The following GRIN2B variants were observed in gnomAD, a reference collection of about 807,000 sequenced individuals.
GRIN2B encodes the protein glutamate ionotropic receptor NMDA type subunit 2B.
GRIN2B carries 5 observed loss-of-function variants against 114.5 expected under a neutral mutation model. The observed-to-expected ratio is 0.04, with a 90% CI of 0.02 to 0.09. The LOEUF (loss-of-function observed/expected upper bound fraction) is 0.09, where lower values mean the gene tolerates loss of function less well. Among genes scored for constraint, GRIN2B ranks in the 10% least tolerant of loss-of-function variants. GRIN2B has a pLI of 1.00. For missense variants in GRIN2B, 1,108 were observed against 1,943.5 expected (o/e 0.57, Z 8.08); for synonymous variants, 787 against 745.1 (o/e 1.06, Z -0.92).
intron 10 of GRIN2B, among the ~76,000 whole-genome samples, chr12:13,594,816 G>A (rs1280524447): frequency 6.6e-6 from 1 of 152,080 alleles, no homozygotes; most frequent in African/African-American, 2.4e-5. Context: ...TGATTTCAGG[G>A]CATTTCCAAC....
Position 13,550,615 on chromosome 12 carries a change from G to GACAGTTAGC in GRIN2B, c.*12159_*12167dup, listed in dbSNP as rs1591597670. On this transcript the variant is annotated 3_prime_UTR_variant, in exon 14 of 14. Coordinates refer to ENST00000609686, the MANE Select transcript of GRIN2B (RefSeq NM_000834.5). Reference sequence around the variant, plus strand: ...TTATGGATTCCATCAGGTCAAATAGGACAGTTAGCAGGATAACTATGTTGC... The same window carrying GACAGTTAGC: ...TTATGGATTCCATCAGGTCAAATAGGACAGTTAGCACAGTTAGCAGGATAACTATGTTGC... 6.6e-6 allele frequency: 1 copy of GACAGTTAGC among 152,066 alleles called. No individual in the cohort carries two copies. The highest frequency in any genetic ancestry group is 2.4e-5 in the African/African-American group (1 of 41,382). 9.4% of individuals were successfully genotyped at this position (152,066 alleles called of 1,614,324 possible). A position where few individuals can be genotyped will look rare whatever the true frequency, so the allele number is the denominator to read the frequency against.
rs1201312016 is a variant in GRIN2B at position 13,608,777 on chromosome 12, C to T, written c.1836G>A (p.Leu612=). 4.3e-6 allele frequency: 7 copies of T among 1,613,960 alleles called. No individual in the cohort carries two copies. In the Admixed American group the frequency reaches 1.0e-4, roughly 23 times the overall value. Residue 612 remains leucine, a synonymous_variant, in exon 10 of 14, where the codon CTG becomes CTA. Transcript: ENST00000609686. ...IGKAIWLLWG[L]VFNNSVPVQN... ...GCACAGGTACGGAGTTGTTAAACAC[C>T]AGACCCCAGAGCAACCAAATAGCTT...
At chr12:13,705,779 A>C (rs571047719) in intron 4 of GRIN2B, among the ~76,000 whole-genome samples, 5 of 152,328 alleles carry the variant, frequency 3.3e-5, no homozygotes, top group African/African-American at 1.2e-4. Context: ...ACTTTAATCA[A>C]GATGGCTAAA....
intron 10 of GRIN2B, among the ~76,000 whole-genome samples, chr12:13,576,369 T>C (rs1256887890): frequency 6.6e-6 from 1 of 151,908 alleles, no homozygotes; most frequent in African/African-American, 2.4e-5. Flanking sequence ...CGAGAAAAAT[T>C]TAGCGCTGTC....
At chr12:13,724,325 T>C (rs1314769196) in intron 4 of GRIN2B, among the ~76,000 whole-genome samples, 1 of 152,064 alleles carries the variant, frequency 6.6e-6, no homozygotes, top group African/African-American at 2.4e-5. Context: ...GCCCGGCCAA[T>C]TACAGGTTTG....
intron 3 of GRIN2B, among the ~76,000 whole-genome samples, chr12:13,809,844 C>T (rs551876657): frequency 1.3e-5 from 2 of 152,340 alleles, no homozygotes; most frequent in South Asian, 2.1e-4. Context: ...CTTTTGTAAA[C>T]AGAAGTTCTC....
intron 5 of GRIN2B, among the ~76,000 whole-genome samples, chr12:13,637,125 T>C (rs1037983613): frequency 6.6e-6 from 1 of 152,104 alleles, no homozygotes; most frequent in Non-Finnish European, 1.5e-5. Flanking sequence ...TTGAGAGACA[T>C]TGACATTTAG....
rs2136470570 is a variant in GRIN2B, at chr12:13,608,816, A to T, written c.1797T>A (p.Ser599=). The T allele has an allele frequency of 6.2e-7, 1 of 1,613,818 alleles. No individual in the cohort carries two copies. Among genetic ancestry groups the T allele is most frequent in the South Asian group, 1.1e-5 (1 of 91,066 alleles). Residue 599 remains serine (S), a synonymous_variant, in exon 10 of 14, where the codon TCT becomes TCA. Transcript: ENST00000609686. ...ACCAAATAGCTTTGCCGATGGTGAA[A>T]GAGGGTCCACCAGGCTCTGGCATGA... ...LADGREPGGP[S]FTIGKAIWLL...
At chr12:13,939,926 AGGGTTGAGTG>A (rs1442029089) in intron 2 of GRIN2B, among the ~76,000 whole-genome samples, 4 of 152,160 alleles carry the variant, frequency 2.6e-5, no homozygotes, top group Non-Finnish European at 5.9e-5. Flanking sequence ...AAAACTAGAA[AGGGTTGAGTG>A]TGCCTGTGCA....
At chr12:13,604,582 A>C (rs958519537) in intron 10 of GRIN2B, among the ~76,000 whole-genome samples, 2 of 152,220 alleles carry the variant, frequency 1.3e-5, no homozygotes, top group African/African-American at 2.4e-5. Flanking sequence ...ATCACATTGG[A>C]AAATAATCTT....
intron 2 of GRIN2B, among the ~76,000 whole-genome samples, chr12:13,873,927 G>C (rs1376123216): frequency 6.6e-6 from 1 of 152,164 alleles, no homozygotes; most frequent in African/African-American, 2.4e-5. Context: ...GCTGTTTCTT[G>C]GAAAATATTT....
At chr12:13,815,066 T>C (rs1175749277) in intron 3 of GRIN2B, among the ~76,000 whole-genome samples, 1 of 152,234 alleles carries the variant, frequency 6.6e-6, no homozygotes, top group East Asian at 1.9e-4. Flanking sequence ...AACAGTACAA[T>C]ATCAGCAATC....
intron 2 of GRIN2B, among the ~76,000 whole-genome samples, chr12:13,964,443 T>C (rs1409461248): frequency 6.6e-6 from 1 of 152,158 alleles, no homozygotes; most frequent in Non-Finnish European, 1.5e-5. Context: ...TGCGGTGGGT[T>C]AAACTTGAAA....
At chr12:13,865,632 CAAAG>C (rs1175050790) in intron 3 of GRIN2B, among the ~76,000 whole-genome samples, 162 bp downstream of exon 3, 1 of 151,474 alleles carries the variant, frequency 6.6e-6, no homozygotes, top group Non-Finnish European at 1.5e-5. Context: ...AACTCTGTCT[CAAAG>C]AGAGAGAGAG....
chr12:13,777,639 GC>G lies in GRIN2B; in HGVS notation c.412-23725del, dbSNP rs1197885902. ...AACGCTTGGTGCCTTTCCATCACTG[GC>G]TCCTGGAGAACATGGGTGATTTCTC... On this transcript the variant is annotated intron_variant, in intron 3 of 13. Transcript: ENST00000609686. Among the ~76,000 whole-genome samples the G allele has an allele frequency of 2.0e-5, 3 of 152,168 alleles. No homozygotes were observed. The East Asian group carries it at 5.8e-4, about 29-fold the overall frequency.
At chr12:13,607,432 A>T (rs370555257) in intron 10 of GRIN2B, among the ~76,000 whole-genome samples, 7 of 80,270 alleles carry the variant, frequency 8.7e-5, no homozygotes, top group African/African-American at 2.7e-4. Flanking sequence ...TATTATATAT[A>T]ATATATATTA....
At chr12:13,904,708 C>T (rs1866510352) in intron 2 of GRIN2B, among the ~76,000 whole-genome samples, 2 of 152,036 alleles carry the variant, frequency 1.3e-5, no homozygotes, top group African/African-American at 2.4e-5. Flanking sequence ...TTCTAAAAGA[C>T]ATTTTCACTG....
At position 13,791,046 on chromosome 12, in the gene GRIN2B, C is replaced by A. The variant is rs111503604; in HGVS notation, c.412-37131G>T. Among the ~76,000 whole-genome samples, 35 of 152,290 alleles carry A rather than the reference C, an allele frequency of 2.3e-4. 2 individuals carry two copies. Among genetic ancestry groups the A allele is most frequent in the African/African-American group, 8.2e-4 (34 of 41,546 alleles). ...AGGGAAAGGAGAAGGTGGCTTGGGG[C>A]AGCCCTCAGGGTGGCCTTCACCTAA... On this transcript the variant is annotated intron_variant, in intron 3 of 13. Transcript: ENST00000609686.
At chr12:13,910,419 A>G (rs913945305) in intron 2 of GRIN2B, among the ~76,000 whole-genome samples, 1 of 152,190 alleles carries the variant, frequency 6.6e-6, no homozygotes, top group African/African-American at 2.4e-5. Flanking sequence ...AAACACATGG[A>G]CAAGATTATG....
Sources: allele counts gnomAD v4.1 joint callset (sites outside exome capture counted in the v4.1 genomes callset), GRCh38; gene constraint gnomAD v4.1.1; transcripts MANE v1.5; gene names NCBI Gene and HGNC (gene_info 2026-07-23, HGNC 2026-07-21).